The following FYB1 variants were observed in gnomAD, a reference collection of about 807,000 sequenced individuals.
FYB1 encodes FYN binding protein 1.
In FYB1, 41 loss-of-function variants were observed where a neutral mutation model predicts 94.1. The observed-to-expected ratio is 0.44, with a 90% CI of 0.34 to 0.57. The LOEUF is 0.57. FYB1 is among the 20% of genes least tolerant of loss of function. FYB1 has a pLI of 0.02. For missense variants in FYB1, 1,050 were observed against 976.8 expected, an observed-to-expected ratio of 1.07 and a Z score of -1.00; for synonymous variants, 367 against 353.2, an observed-to-expected ratio of 1.04 and a Z score of -0.44.
At chr5:39,222,792 T>C (rs1750324598), upstream of FYB1, among the ~76,000 whole-genome samples, 2 of 152,224 alleles carry the variant, frequency 1.3e-5, 1 homozygote, top group South Asian at 4.1e-4. Context: ...TTTTCTATTT[T>C]TATAAAATCT....
intron 16 of FYB1, among the ~76,000 whole-genome samples, chr5:39,117,353 AT>A (rs1561128364): frequency 6.6e-6 from 1 of 152,280 alleles, no homozygotes; most frequent in African/African-American, 2.4e-5. Context: ...ACATTTAATA[AT>A]TTAAAAATCT....
rs765410577 is a variant in FYB1, at chr5:39,134,351, T to TA, written c.1676-3dup. The TA allele has an allele frequency of 6.3e-6, 10 of 1,592,094 alleles. No individual in the cohort carries two copies. In the African/African-American group the frequency reaches 1.3e-4, roughly 21 times the overall value. On this transcript the variant is annotated splice_polypyrimidine_tract_variant and splice_region_variant and intron_variant, in intron 8 of 18. Transcript: ENST00000512982. Reference sequence around the variant, plus strand: ...CAGCAGTTGTTTTAATATAGCCATCTACCAAAAAGGGAAATATTTATGTTC... The same window carrying TA: ...CAGCAGTTGTTTTAATATAGCCATCTAACCAAAAAGGGAAATATTTATGTTC...
At chr5:39,206,271 T>C (rs879753180) in intron 1 of FYB1, among the ~76,000 whole-genome samples, 3 of 152,224 alleles carry the variant, frequency 2.0e-5, no homozygotes, top group Non-Finnish European at 4.4e-5. Flanking sequence ...TCTGCAACTA[T>C]GTAATCACTA....
chr5:39,136,542 G>C (rs1474403320), intron 7 of FYB1, among the ~76,000 whole-genome samples: 1 of 152,118 alleles, frequency 6.6e-6, no homozygotes, highest in African/African-American at 2.4e-5. Context: ...ATGATACAGT[G>C]TATGCTCTGC....
intron 2 of FYB1, among the ~76,000 whole-genome samples, chr5:39,185,667 A>G (rs1316654054): frequency 6.9e-6 from 1 of 145,874 alleles, no homozygotes; most frequent in Non-Finnish European, 1.5e-5. Flanking sequence ...ATCACACTGG[A>G]AGTAAGAAAA....
intron 16 of FYB1, among the ~76,000 whole-genome samples, chr5:39,113,355 C>T (rs1428820023): frequency 2.6e-5 from 4 of 152,014 alleles, no homozygotes; most frequent in Non-Finnish European, 5.9e-5. Context: ...ATTGTGAGTG[C>T]GGTCACACCA....
At chr5:39,123,265 G>T (rs142451789) in intron 13 of FYB1, among the ~76,000 whole-genome samples, 166 of 152,258 alleles carry the variant, frequency 1.1e-3, no homozygotes, top group African/African-American at 3.9e-3. Context: ...CCACCCTCGT[G>T]TGTATTCAGG....
intron 1 of FYB1, among the ~76,000 whole-genome samples, chr5:39,268,589 G>A (rs142929076): frequency 6.5e-4 from 98 of 151,506 alleles, no homozygotes; most frequent in African/African-American, 2.3e-3. Context: ...TTTTTGAGAC[G>A]GAATTTTGCT....
chr5:39,211,196 A>G (rs926959626), intron 1 of FYB1: 2 of 152,130 alleles, frequency 1.3e-5, no homozygotes, highest in African/African-American at 4.8e-5. Flanking sequence ...TTAGTGGCTT[A>G]TTTGGTTCTT....
intron 18 of FYB1, among the ~76,000 whole-genome samples, chr5:39,107,681 T>C (rs1226103592): frequency 6.6e-6 from 1 of 152,000 alleles, no homozygotes; most frequent in African/African-American, 2.4e-5. Context: ...AGATTTATTC[T>C]CTATTAAAAT....
Position 39,150,101 on chromosome 5 carries a change from G to C in FYB1, c.1292+3347C>G, listed in dbSNP as rs187412165. Reference sequence around the variant, plus strand: ...AAAATCTAGGAGGCCATTTTTTTTCGACTAAATTCCCGCACTGGGCCCCAG... The same window carrying C: ...AAAATCTAGGAGGCCATTTTTTTTCCACTAAATTCCCGCACTGGGCCCCAG... On this transcript the variant is annotated intron_variant, in intron 3 of 18. Coordinates refer to ENST00000512982, the MANE Select transcript of FYB1 (RefSeq NM_001465.6). 6.5e-4 allele frequency among the ~76,000 whole-genome samples: 98 copies of C among 151,258 alleles called. 4 individuals carry two copies. In the Middle Eastern group the frequency reaches 0.014, roughly 21 times the overall value.
Sources: allele counts gnomAD v4.1 joint callset (sites outside exome capture counted in the v4.1 genomes callset), GRCh38; gene constraint gnomAD v4.1.1; transcripts MANE v1.5; gene names NCBI Gene and HGNC (gene_info 2026-07-23, HGNC 2026-07-21).